Variants in PKD1L3 observed in about 807,000 individuals in gnomAD.
PKD1L3 encodes polycystin-1-like protein 3.
A neutral mutation model predicts 184.1 loss-of-function variants in PKD1L3; 239 were observed. The ratio of observed to expected loss-of-function variants is 1.30; its 90% confidence interval spans 1.17 to 1.45. The LOEUF (loss-of-function observed/expected upper bound fraction) is 1.45. Ranked by LOEUF, PKD1L3 falls within the 40% of genes most tolerant of loss-of-function variation. PKD1L3 has a pLI of 0.00. For synonymous variants in PKD1L3, 996 were observed against 778.8 expected, an observed-to-expected ratio of 1.28 and a Z score of -4.64; for missense variants, 2,660 against 2,067.2, an observed-to-expected ratio of 1.29 and a Z score of -5.56.
intron 19 of PKD1L3, among the ~76,000 whole-genome samples, chr16:71,950,964 AACTTCTG>A (rs928180733): frequency 8.7e-5 from 13 of 149,808 alleles, no homozygotes; most frequent in Non-Finnish European, 1.8e-4. Context: ...GCTGGTTTTG[AACTTCTG>A]ACCTCAGGTG....
rs1210920852 is a variant in PKD1L3, at chr16:71,993,296, T to C, written c.455A>G (p.Asn152Ser). The C allele has an allele frequency of 6.5e-7, 1 of 1,549,284 alleles. No individual in the cohort carries two copies. Among genetic ancestry groups the C allele is most frequent in the African/African-American group, 1.4e-5 (1 of 72,754 alleles). ...CTGGTACAAATGGGAATTATTTCCATTTCTTTCATAATGGGCATCTCCGTC... is the reference window on the plus strand; with the variant it reads ...CTGGTACAAATGGGAATTATTTCCACTTCTTTCATAATGGGCATCTCCGTC... ...FLDGDAHYER[N>S]GNNSHLYQRH... is the part of the protein sequence containing the mutation. Residue 152 changes from asparagine to serine, a missense_variant, in exon 3 of 30, where the codon AAT (asparagine) becomes AGT (serine). By Grantham distance (46) the Asn-to-Ser change is conservative. Transcript: ENST00000620267.
At chr16:71,933,358 C>A (rs1567485336) in intron 28 of PKD1L3, 62 bp downstream of exon 28, 2 of 1,247,836 alleles carry the variant, frequency 1.6e-6, no homozygotes, top group East Asian at 5.1e-5. Flanking sequence ...TTCATAAGGA[C>A]CCCCCCAATT....
Position 71,934,272 on chromosome 16 carries a change from T to G in PKD1L3, c.4614-147A>C, listed in dbSNP as rs970927961. On this transcript the variant is annotated intron_variant, in intron 26 of 29. Coordinates refer to ENST00000620267, the MANE Select transcript of PKD1L3 (RefSeq NM_181536.2). ...GTGAGAACTGCTTTCTATTGTGGCCTCCTGTGAGTTGTGGATATGGGAGTA... is the reference window on the plus strand; with the variant it reads ...GTGAGAACTGCTTTCTATTGTGGCCGCCTGTGAGTTGTGGATATGGGAGTA... 5.7e-6 allele frequency: 4 copies of G among 706,860 alleles called. No homozygotes were observed. The African/African-American group carries it at 7.1e-5, about 12-fold the overall frequency. 43.8% of individuals were successfully genotyped at this position (706,860 alleles called of 1,614,324 possible).
intron 16 of PKD1L3, among the ~76,000 whole-genome samples, chr16:71,958,427 T>C (rs1259538740): frequency 6.7e-6 from 1 of 149,520 alleles, no homozygotes; most frequent in Non-Finnish European, 1.5e-5. Context: ...CACTTCTCAT[T>C]AGAACTATTA....
intron 28 of PKD1L3, among the ~76,000 whole-genome samples, chr16:71,932,884 A>T (rs1359486384): frequency 7.0e-6 from 1 of 142,220 alleles, no homozygotes; most frequent in Non-Finnish European, 1.5e-5. Context: ...GGCTCACAGG[A>T]TTCTCTCTCC....
At chr16:71,965,608 C>A (rs943004167) in intron 15 of PKD1L3, among the ~76,000 whole-genome samples, 2 of 149,866 alleles carry the variant, frequency 1.3e-5, no homozygotes, top group Non-Finnish European at 3.0e-5. Flanking sequence ...AGTTGGACTG[C>A]GGTGGCACCA....
intron 29 of PKD1L3, 185 bp downstream of exon 29, chr16:71,929,867 A>G (rs111649033): frequency 3.0e-5 from 29 of 965,094 alleles, no homozygotes; most frequent in African/African-American, 1.7e-4. Context: ...GACAATGGCT[A>G]TAGAATATTA....
intron 22 of PKD1L3, among the ~76,000 whole-genome samples, chr16:71,945,378 A>ACC (rs2038555783): frequency 1.7e-5 from 1 of 59,820 alleles, no homozygotes; most frequent in African/African-American, 6.8e-5. Flanking sequence ...ACACACGCAC[A>ACC]CACACATATA....
intron 21 of PKD1L3, among the ~76,000 whole-genome samples, chr16:71,947,918 C>A (rs1478905541): frequency 2.5e-5 from 2 of 79,494 alleles, no homozygotes; most frequent in Non-Finnish European, 5.3e-5. Flanking sequence ...AAGATCCAGA[C>A]TCTTTTTTTT....
chr16:71,977,039 G>A (rs906797104), intron 11 of PKD1L3, among the ~76,000 whole-genome samples, 197 bp downstream of exon 11: 15 of 152,156 alleles, frequency 9.9e-5, no homozygotes, highest in Admixed American at 2.0e-4. Context: ...CACCGCGCCC[G>A]GCCCACAAAA....
intron 11 of PKD1L3, among the ~76,000 whole-genome samples, chr16:71,976,110 G>A (rs1597350536): frequency 2.0e-5 from 3 of 151,464 alleles, no homozygotes; most frequent in Admixed American, 2.0e-4. Flanking sequence ...ACCATGACCA[G>A]CTAATTTTTA....
At chr16:71,945,490 C>T (rs1396940479) in intron 22 of PKD1L3, among the ~76,000 whole-genome samples, 1 of 150,188 alleles carries the variant, frequency 6.7e-6, no homozygotes, top group Non-Finnish European at 1.5e-5. Context: ...ACCAGCCTGG[C>T]CAATATGGGA....
chr16:71,930,195 A>G lies in PKD1L3; in HGVS notation c.4927-12T>C, dbSNP rs376397329. On this transcript the variant is annotated splice_polypyrimidine_tract_variant and intron_variant, in intron 28 of 29. Coordinates refer to ENST00000620267, the MANE Select transcript of PKD1L3 (RefSeq NM_181536.2). The stretch of plus-strand genomic sequence containing the variant: ...TCTAAAGCGAAAACCTGGGAAAACA[A>G]TAAGAACACTTGCAGTGACTGACAA... 3.0e-5 allele frequency: 46 copies of G among 1,538,884 alleles called. No homozygotes were observed. The African/African-American group carries it at 3.3e-4, about 11-fold the overall frequency.
chr16:71,959,508 T>C (rs985040111), intron 16 of PKD1L3, among the ~76,000 whole-genome samples: 1 of 152,150 alleles, frequency 6.6e-6, no homozygotes, highest in Non-Finnish European at 1.5e-5. Context: ...AACTGTGAAA[T>C]ATGAAAGGAA....
intron 5 of PKD1L3, 69 bp from the exon 6 acceptor site, chr16:71,984,236 T>G: frequency 6.8e-7 from 1 of 1,468,848 alleles, no homozygotes; most frequent in East Asian, 2.5e-5. Context: ...TCAGGGAGAT[T>G]ATTTTCATCC....
chr16:71,994,452 C>T (rs2040708169), intron 2 of PKD1L3, among the ~76,000 whole-genome samples: 1 of 152,220 alleles, frequency 6.6e-6, no homozygotes, highest in African/African-American at 2.4e-5. Context: ...TGCCTTCTCT[C>T]ATGCTGCTAC....
rs867378515 is a variant in PKD1L3 at position 71,980,056 on chromosome 16, C to A, written c.1222G>T (p.Glu408Ter). 4 of 1,551,946 alleles carry A rather than the reference C, an allele frequency of 2.6e-6. No individual in the cohort carries two copies. The African/African-American group carries it at 5.5e-5, about 21-fold the overall frequency. ...GCAGAGGTCAAAGTCACTGAAGACTCGGGAGACTGGTTCTGCTCTAGAAAT... is the reference window on the plus strand; with the variant it reads ...GCAGAGGTCAAAGTCACTGAAGACTAGGGAGACTGGTTCTGCTCTAGAAAT... ...EAFLEQNQSP[E>*]SSVTLTSANA... The change falls in exon 8 of 30, where the codon GAG becomes TAG. Residue 408 changes from glutamate to a stop codon, truncating the protein, a stop_gained. Coordinates refer to ENST00000620267, the MANE Select transcript of PKD1L3 (RefSeq NM_181536.2). LOFTEE classifies it high-confidence loss of function.
chr16:71,949,844 C>G lies in PKD1L3; in HGVS notation c.3557G>C (p.Ser1186Thr). The G allele has an allele frequency of 6.4e-7, 1 of 1,551,548 alleles. No individual in the cohort carries two copies. Among genetic ancestry groups the G allele is most frequent in the Non-Finnish European group, 8.7e-7 (1 of 1,146,992 alleles). Residue 1186 changes from serine to threonine, a missense_variant, in exon 21 of 30, where the codon AGC (serine) becomes ACC (threonine). Transcript: ENST00000620267. ...SLELSKDQATSWMISIILSVL... is the reference protein window; with the variant it reads ...SLELSKDQATTWMISIILSVL... ...TGATAAAATAATTGAAATCATCCAGCTGGTGGCTTGGTCTTTGCTCAATTC... is the reference window on the plus strand; with the variant it reads ...TGATAAAATAATTGAAATCATCCAGGTGGTGGCTTGGTCTTTGCTCAATTC...
At position 71,979,803 on chromosome 16, in the gene PKD1L3, G is replaced by C. The variant is rs373956890; in HGVS notation, c.1381C>G (p.Pro461Ala). Residue 461 changes from proline to alanine, a missense_variant, in exon 9 of 30, where the codon CCA becomes GCA. Coordinates refer to ENST00000620267, the MANE Select transcript of PKD1L3 (RefSeq NM_181536.2). ...ACACTCACTTGGACATTAACTCCTG[G>C]ATGTTTATTCAAGAGCTCCTTCAAA... ...LALKELLNKH[P>A]GVNVQITGLA... The C allele has an allele frequency of 8.0e-6, 12 of 1,507,892 alleles. No individual in the cohort carries two copies. Among genetic ancestry groups the C allele is most frequent in the South Asian group, 1.3e-5 (1 of 76,812 alleles). 93.4% of individuals were successfully genotyped at this position (1,507,892 alleles called of 1,614,324 possible).
Sources: allele counts gnomAD v4.1 joint callset (sites outside exome capture counted in the v4.1 genomes callset), GRCh38; gene constraint gnomAD v4.1.1; transcripts MANE v1.5; gene names NCBI Gene and HGNC (gene_info 2026-07-23, HGNC 2026-07-21).